The following SNTB1 variants were observed in gnomAD, a reference collection of about 807,000 sequenced individuals.
SNTB1 encodes the protein syntrophin beta 1.
A neutral mutation model predicts 48.9 loss-of-function variants in SNTB1; 36 were observed. The ratio of observed to expected loss-of-function variants is 0.74; its 90% CI spans 0.56 to 0.97. SNTB1 has a LOEUF of 0.97. SNTB1 is among the 50% of genes least tolerant of loss of function. The pLI, the probability that SNTB1 is intolerant of heterozygous loss-of-function variation, is 0.00. For missense variants in SNTB1, 786 were observed against 703.4 expected, an observed-to-expected ratio of 1.12 and a Z score of -1.33; for synonymous variants, 299 against 294.6, an observed-to-expected ratio of 1.01 and a Z score of -0.15.
intron 1 of SNTB1, among the ~76,000 whole-genome samples, chr8:120,739,019 AGTGG>A (rs1451355431): frequency 1.3e-5 from 2 of 152,168 alleles, no homozygotes; most frequent in Non-Finnish European, 2.9e-5. Flanking sequence ...TGACAGTTGA[AGTGG>A]GTGTGAGATG....
chr8:120,671,656 A>G (rs1407386186), intron 2 of SNTB1, among the ~76,000 whole-genome samples: 1 of 152,252 alleles, frequency 6.6e-6, no homozygotes, highest in East Asian at 1.9e-4. Flanking sequence ...CCTAGTGTCC[A>G]GAACTATGAG....
At chr8:120,629,574 C>T (rs940927384) in intron 3 of SNTB1, among the ~76,000 whole-genome samples, 4 of 152,142 alleles carry the variant, frequency 2.6e-5, no homozygotes, top group South Asian at 2.1e-4. Context: ...AGAAAGGCAT[C>T]GTATTAAGGA....
intron 1 of SNTB1, among the ~76,000 whole-genome samples, chr8:120,760,094 A>G (rs28680434): frequency 0.12 from 18,543 of 152,186 alleles, 3,735 homozygotes; most frequent in African/African-American, 0.42. Flanking sequence ...TTTTATGAAC[A>G]CAGTATTGAA....
intron 3 of SNTB1, among the ~76,000 whole-genome samples, chr8:120,603,225 C>G (rs1816452414): frequency 6.6e-6 from 1 of 152,074 alleles, no homozygotes; most frequent in Non-Finnish European, 1.5e-5. Context: ...CCTCAGCCTC[C>G]CAAATAGCTG....
intron 1 of SNTB1, among the ~76,000 whole-genome samples, chr8:120,790,396 G>A (rs1194110647): frequency 2.0e-5 from 3 of 151,828 alleles, no homozygotes; most frequent in African/African-American, 7.3e-5. Context: ...GAGCAATCAG[G>A]CAAGAGAAAG....
Position 120,548,948 on chromosome 8 carries a change from A to C in SNTB1, c.1147T>G (p.Ser383Ala). The change falls in exon 5 of 7, where the codon TCA (serine) becomes GCA (alanine). Residue 383 changes from serine (S) to alanine (A), a missense_variant. Transcript: ENST00000517992. ...TGGGGTGATCCCTTTCCTGGACCTGAATGGACCAGCCTGGAGAGAGAGAGA... is the reference window on the plus strand; with the variant it reads ...TGGGGTGATCCCTTTCCTGGACCTGCATGGACCAGCCTGGAGAGAGAGAGA... ...YPLLATRLVH[S>A]GPGKGSPQAG... is the part of the protein sequence containing the mutation. 1 of 1,585,254 alleles carries C rather than the reference A, an allele frequency of 6.3e-7. No individual in the cohort carries two copies. The highest frequency in any genetic ancestry group is 8.6e-7 in the Non-Finnish European group (1 of 1,166,724).
chr8:120,679,477 T>A (rs1014947090), intron 2 of SNTB1, among the ~76,000 whole-genome samples: 3 of 152,210 alleles, frequency 2.0e-5, no homozygotes, highest in Non-Finnish European at 4.4e-5. Flanking sequence ...GTAAGCTAAC[T>A]AATAGTGGCC....
chr8:120,586,076 A>C (rs75445647), intron 3 of SNTB1, among the ~76,000 whole-genome samples: 88 of 152,364 alleles, frequency 5.8e-4, no homozygotes, highest in African/African-American at 2.1e-3. Flanking sequence ...CCTTCTAGAA[A>C]AGGAGTCATA....
intron 1 of SNTB1, among the ~76,000 whole-genome samples, chr8:120,727,825 G>C (rs1384012159): frequency 6.6e-6 from 1 of 152,114 alleles, no homozygotes; most frequent in African/African-American, 2.4e-5. Context: ...TTGACTCCAA[G>C]CCCTATGGTC....
At chr8:120,740,755 T>C (rs1819027528) in intron 1 of SNTB1, among the ~76,000 whole-genome samples, 1 of 148,176 alleles carries the variant, frequency 6.7e-6, no homozygotes, top group Non-Finnish European at 1.5e-5. Flanking sequence ...TTTTCTTTTC[T>C]TCTTCTTTTT....
At chr8:120,604,744 C>T (rs565387893) in intron 3 of SNTB1, among the ~76,000 whole-genome samples, 8 of 152,272 alleles carry the variant, frequency 5.3e-5, no homozygotes, top group African/African-American at 1.9e-4. Context: ...AATCGCCATG[C>T]CTGGCCAACT....
At chr8:120,560,048 A>G (rs1304916112) in intron 4 of SNTB1, among the ~76,000 whole-genome samples, 1 of 152,202 alleles carries the variant, frequency 6.6e-6, no homozygotes, top group Non-Finnish European at 1.5e-5. Flanking sequence ...ACCCTTCAGG[A>G]AAGAAATGAG....
intron 1 of SNTB1, among the ~76,000 whole-genome samples, chr8:120,737,345 G>T (rs1818964027): frequency 6.6e-6 from 1 of 152,022 alleles, no homozygotes. Context: ...CGACTATGAA[G>T]CACCAAAGAA....
At position 120,581,076 on chromosome 8, in the gene SNTB1, G is replaced by T. The variant is rs571688438; in HGVS notation, c.997-5851C>A. On this transcript the variant is annotated intron_variant, in intron 3 of 6. Transcript: ENST00000517992. Reference sequence around the variant, plus strand: ...AACACTCCAGCCTGGGCAACAGAGTGAGACCCTGTCTCAAAAAAAAAAAAA... The same window carrying T: ...AACACTCCAGCCTGGGCAACAGAGTTAGACCCTGTCTCAAAAAAAAAAAAA... Among the ~76,000 whole-genome samples, 20 of 132,086 alleles carry T rather than the reference G, an allele frequency of 1.5e-4. No individual in the cohort carries two copies. In the South Asian group the frequency reaches 4.7e-3, roughly 31 times the overall value. 86.7% of individuals were successfully genotyped at this position (132,086 alleles called of 152,430 possible).
intron 3 of SNTB1, among the ~76,000 whole-genome samples, chr8:120,615,772 A>C (rs1293725677): frequency 1.3e-5 from 2 of 152,228 alleles, no homozygotes; most frequent in Non-Finnish European, 2.9e-5. Context: ...TAAAAAGATT[A>C]CAGCATGTCT....
At chr8:120,749,562 G>A (rs1373035871) in intron 1 of SNTB1, among the ~76,000 whole-genome samples, 1 of 152,014 alleles carries the variant, frequency 6.6e-6, no homozygotes, top group Non-Finnish European at 1.5e-5. Flanking sequence ...TCTTGTGGCT[G>A]TCTGTATGCT....
intron 3 of SNTB1, among the ~76,000 whole-genome samples, chr8:120,601,652 G>A (rs188131669): frequency 3.6e-4 from 55 of 152,270 alleles, no homozygotes; most frequent in Admixed American, 3.1e-3. Context: ...TGCAGTGGGA[G>A]GTCAGGACTG....
intron 3 of SNTB1, among the ~76,000 whole-genome samples, chr8:120,584,510 T>C (rs1351281788): frequency 7.6e-6 from 1 of 131,662 alleles, no homozygotes. Flanking sequence ...TTAGGGAAAA[T>C]GTAATATATT....
intron 1 of SNTB1, among the ~76,000 whole-genome samples, chr8:120,761,998 A>G (rs1819428696): frequency 6.6e-6 from 1 of 151,984 alleles, no homozygotes; most frequent in Admixed American, 6.5e-5. Context: ...ATGATTCTTT[A>G]CCAAAAATGT....
Sources: gnomAD v4.1 joint callset for allele counts (sites outside exome capture counted in the v4.1 genomes callset) on GRCh38, gnomAD v4.1.1 for gene constraint, MANE v1.5 for transcripts, NCBI Gene and HGNC (gene_info 2026-07-23, HGNC 2026-07-21) for gene names.